TMEM94: variants seen among roughly 807,000 people sequenced by gnomAD.
TMEM94 encodes transmembrane protein 94, also known as ER Mg2+ ATPase.
Under a neutral mutation model 158.6 loss-of-function variants are expected in TMEM94, and 81 were observed. The ratio of observed to expected loss-of-function variants is 0.51; its 90% confidence interval spans 0.43 to 0.61. The LOEUF is 0.61. TMEM94 is among the 20% of genes least tolerant of loss of function. TMEM94 has a pLI of 0.00. For missense variants in TMEM94, 1,435 were observed against 1,762.0 expected (o/e 0.81, Z 3.32); for synonymous variants, 751 against 730.7 (o/e 1.03, Z -0.45).
intron 2 of TMEM94, among the ~76,000 whole-genome samples, chr17:75,484,986 C>T (rs187716425): frequency 4.0e-5 from 6 of 151,176 alleles, no homozygotes; most frequent in African/African-American, 7.3e-5. Flanking sequence ...TGCAGTGAGC[C>T]GAGATCGTGC....
rs1370247462 is a variant in TMEM94 at position 75,497,205 on chromosome 17, T to C, written c.3407+7T>C. 1 of 1,611,030 alleles carries C rather than the reference T, an allele frequency of 6.2e-7. No individual in the cohort carries two copies. ...TTTGCTACCCTCTGCTCAGGTGAGA[T>C]GCCATGTATCTTCCCCACACCCCAT... On this transcript the variant is annotated splice_region_variant and intron_variant, in intron 26 of 31. Transcript: ENST00000314256.
At position 75,494,945 on chromosome 17, in the gene TMEM94, C is replaced by T; in HGVS notation, c.2639C>T (p.Ser880Phe). The change falls in exon 20 of 32, where the codon TCC becomes TTC. Residue 880 changes from serine (S) to phenylalanine (F), a missense_variant. Around this residue, in one of 3 missense-constraint regions of TMEM94, gnomAD observed 1,051 missense variants for 1,254.4 expected, o/e 0.84. Transcript: ENST00000314256. Reference protein sequence around the residue: ...GLETGWNCHISLTPNGDMPGS... With the variant: ...GLETGWNCHIFLTPNGDMPGS... ...GAGACAGGCTGGAACTGCCACATCTCCCTCACACCCAATGGTGACATGCCT... is the reference window on the plus strand; with the variant it reads ...GAGACAGGCTGGAACTGCCACATCTTCCTCACACCCAATGGTGACATGCCT... 6.2e-7 allele frequency: 1 copy of T among 1,613,510 alleles called. No individual in the cohort carries two copies. Among genetic ancestry groups the T allele is most frequent in the Non-Finnish European group, 8.5e-7 (1 of 1,180,028 alleles).
At chr17:75,467,050 C>T (rs915992215) in intron 1 of TMEM94, among the ~76,000 whole-genome samples, 2 of 149,542 alleles carry the variant, frequency 1.3e-5, no homozygotes, top group Non-Finnish European at 3.0e-5. Context: ...TCTCGGCTCA[C>T]TGCAACCTCT....
At position 75,494,943 on chromosome 17, in the gene TMEM94, C is replaced by T. The variant is rs1223120249; in HGVS notation, c.2637C>T (p.Ile879=). 1.2e-6 allele frequency: 2 copies of T among 1,613,394 alleles called. No individual in the cohort carries two copies. Among genetic ancestry groups the T allele is most frequent in the Non-Finnish European group, 1.7e-6 (2 of 1,180,040 alleles). ...MGLETGWNCH[I]SLTPNGDMPG... ...TGGAGACAGGCTGGAACTGCCACAT[C>T]TCCCTCACACCCAATGGTGACATGC... The change falls in exon 20 of 32, where the codon ATC becomes ATT. Residue 879 remains isoleucine, a synonymous_variant. Transcript: ENST00000314256.
intron 1 of TMEM94, 21 bp from the exon 2 acceptor site, chr17:75,471,779 T>C: frequency 5.4e-6 from 5 of 932,392 alleles, no homozygotes; most frequent in Non-Finnish European, 8.5e-6. Flanking sequence ...CCTGAGTGAT[T>C]TCTTTCTTCT....
rs1001760358 is a variant in TMEM94 at position 75,487,831 on chromosome 17, A to G, written c.410-101A>G. On this transcript the variant is annotated intron_variant, in intron 5 of 31. Transcript: ENST00000314256. This position sits in a 1 kb window ranked among gnomAD's most constrained non-coding sequence, Gnocchi z 4.6. ...AGGGGTTTGACGCAGACCTCCTGGG[A>G]GAGGAAGTGGGCAGACAGTGCTTCC... The G allele has an allele frequency of 3.2e-6, 3 of 939,312 alleles. No homozygotes were observed. The highest frequency in any genetic ancestry group is 1.5e-5 in the South Asian group (1 of 66,632). The allele number at this position is 939,312 out of a possible 1,614,324, so 58.2% of individuals were successfully genotyped here. A position where few individuals can be genotyped will look rare whatever the true frequency, so the allele number is the denominator to read the frequency against.
At chr17:75,484,751 T>C (rs1349793228) in intron 2 of TMEM94, among the ~76,000 whole-genome samples, 1 of 151,888 alleles carries the variant, frequency 6.6e-6, no homozygotes, top group East Asian at 1.9e-4. Context: ...AAAGATATAT[T>C]TTAGGCCAGG....
At chr17:75,490,631 C>T in intron 10 of TMEM94, 71 bp from the exon 11 acceptor site, 1 of 1,414,458 alleles carries the variant, frequency 7.1e-7, no homozygotes, top group Non-Finnish European at 1.0e-6. Flanking sequence ...GGCCCCCCCT[C>T]TGCCAGCTTG....
Position 75,456,728 on chromosome 17 carries a change from A to C in TMEM94, c.-130A>C, listed in dbSNP as rs1333830713. The C allele has an allele frequency of 6.6e-6, 1 of 152,192 alleles. No homozygotes were observed. The highest frequency in any genetic ancestry group is 1.5e-5 in the Non-Finnish European group (1 of 68,078). 9.4% of individuals were successfully genotyped at this position (152,192 alleles called of 1,614,324 possible). A position where few individuals can be genotyped will look rare whatever the true frequency, so the allele number is the denominator to read the frequency against. On this transcript the variant is annotated 5_prime_UTR_variant, in exon 1 of 32. Coordinates refer to ENST00000314256, the MANE Select transcript of TMEM94 (RefSeq NM_014738.6). ...GTTGGGAGGGGAGAGGACGCGGGCG[A>C]GGAAGACCAGCCCCGGGGCCCCGGT...
intron 1 of TMEM94, among the ~76,000 whole-genome samples, chr17:75,460,938 A>C (rs982090997): frequency 2.6e-5 from 4 of 152,044 alleles, no homozygotes; most frequent in Non-Finnish European, 5.9e-5. Flanking sequence ...TAGTTTCCCA[A>C]ACTGAAACTC....
At chr17:75,497,340 T>C in intron 26 of TMEM94, 142 bp downstream of exon 26, 1 of 479,950 alleles carries the variant, frequency 2.1e-6, no homozygotes, top group Non-Finnish European at 3.6e-6. Flanking sequence ...GGAACCCCCT[T>C]TGTCTTTTTT....
At chr17:75,458,974 G>A (rs901721814) in intron 1 of TMEM94, among the ~76,000 whole-genome samples, 4 of 150,900 alleles carry the variant, frequency 2.7e-5, no homozygotes, top group African/African-American at 4.9e-5. Context: ...GGAGAATGGC[G>A]TGAACCCGGG....
intron 18 of TMEM94, 141 bp from the exon 19 acceptor site, chr17:75,494,486 C>T (rs1173466355): frequency 2.7e-5 from 20 of 728,268 alleles, no homozygotes; most frequent in Admixed American, 2.9e-5. Context: ...CTGTGTCTGT[C>T]GGCTCCTTCG....
intron 26 of TMEM94, among the ~76,000 whole-genome samples, chr17:75,497,434 A>G (rs2052824399): frequency 1.5e-5 from 2 of 136,330 alleles, no homozygotes. Flanking sequence ...GCTCATTGCA[A>G]CCTCCGCCTC....
chr17:75,478,452 G>A (rs368239154), intron 2 of TMEM94, among the ~76,000 whole-genome samples: 26 of 152,270 alleles, frequency 1.7e-4, no homozygotes, highest in African/African-American at 5.8e-4. Context: ...AGCGGCACAG[G>A]AGAGCTCAGG....
At chr17:75,475,248 C>T (rs1416152670) in intron 2 of TMEM94, among the ~76,000 whole-genome samples, 10 of 152,180 alleles carry the variant, frequency 6.6e-5, no homozygotes, top group Non-Finnish European at 1.0e-4. Flanking sequence ...CTGGACTGCC[C>T]GGGCCCTCCC....
Position 75,456,679 on chromosome 17 carries a change from G to A in TMEM94, c.-179G>A, listed in dbSNP as rs1464543611. 6.6e-6 allele frequency: 1 copy of A among 152,340 alleles called. No homozygotes were observed. The allele number at this position is 152,340 out of a possible 1,614,324, so 9.4% of individuals were successfully genotyped here. A position where few individuals can be genotyped will look rare whatever the true frequency, so the allele number is the denominator to read the frequency against. On this transcript the variant is annotated 5_prime_UTR_variant, in exon 1 of 32. Transcript: ENST00000314256. ...ACGGACATGGCTGCGGCCCCCGGAG[G>A]AGGGGACGTGAAGTGAGGAGGGGGT...
chr17:75,476,203 C>A (rs1461396861), intron 2 of TMEM94, among the ~76,000 whole-genome samples: 4 of 152,136 alleles, frequency 2.6e-5, no homozygotes, highest in Non-Finnish European at 4.4e-5. Context: ...CCAGGGTTCC[C>A]CTTGATACTG....
At chr17:75,481,920 G>A (rs762903817) in intron 2 of TMEM94, among the ~76,000 whole-genome samples, 4 of 152,228 alleles carry the variant, frequency 2.6e-5, no homozygotes, top group Admixed American at 6.5e-5. Flanking sequence ...TTGTCCCAGG[G>A]CCTCAGAGCT....
Sources: gnomAD v4.1 joint callset for allele counts (sites outside exome capture counted in the v4.1 genomes callset) on GRCh38, gnomAD v4.1.1 for gene constraint, gnomAD v4.1.1 regional missense constraint, Gnocchi (gnomAD v3.1) non-coding constraint, MANE v1.5 for transcripts, NCBI Gene and HGNC (gene_info 2026-07-23, HGNC 2026-07-21) for gene names.